Variants in GMPR observed in about 807,000 individuals in gnomAD.
The protein encoded by GMPR is GMP reductase 1.
Under a neutral mutation model 38.4 loss-of-function variants are expected in GMPR, and 31 were observed. The ratio of observed to expected loss-of-function variants is 0.81; its 90% CI spans 0.61 to 1.09. The LOEUF is 1.09. GMPR is among the 50% of genes least tolerant of loss of function. The pLI, the probability that GMPR is intolerant of heterozygous loss-of-function variation, is 0.00. For missense variants in GMPR, 468 were observed against 453.7 expected (o/e 1.03, Z -0.29); for synonymous variants, 162 against 173.3 (o/e 0.93, Z 0.51).
At chr6:16,253,137 T>C (rs1758907413) in intron 3 of GMPR, among the ~76,000 whole-genome samples, 1 of 152,200 alleles carries the variant, frequency 6.6e-6, no homozygotes, top group Admixed American at 6.5e-5. Flanking sequence ...ACAAGGGTGT[T>C]ACAGGGGAGA....
chr6:16,257,010 C>T lies in GMPR; in HGVS notation c.465+2275C>T, dbSNP rs7756068. 3.3e-3 allele frequency among the ~76,000 whole-genome samples: 500 copies of T among 152,340 alleles called. 3 individuals carry two copies. The highest frequency in any genetic ancestry group is 0.014 in the Middle Eastern group (4 of 294). On this transcript the variant is annotated intron_variant, in intron 4 of 8. Coordinates refer to ENST00000259727, the MANE Select transcript of GMPR (RefSeq NM_006877.4). Reference sequence around the variant, plus strand: ...TGATAGCAGCACAGCTGCTCTTGTCCTAACAAGGCGACTCTTAATGGGCTC... The same window carrying T: ...TGATAGCAGCACAGCTGCTCTTGTCTTAACAAGGCGACTCTTAATGGGCTC...
intron 1 of GMPR, among the ~76,000 whole-genome samples, chr6:16,244,415 G>T (rs527512395): frequency 1.3e-5 from 2 of 152,064 alleles, no homozygotes; most frequent in East Asian, 3.9e-4. Flanking sequence ...GGGTTTCACC[G>T]TGTTGCCCAG....
At position 16,274,516 on chromosome 6, in the gene GMPR, C is replaced by T. The variant is rs1000667907; in HGVS notation, c.547+20C>T. On this transcript the variant is annotated intron_variant, in intron 5 of 8. Transcript: ENST00000259727. ...GACCAGGTAAGACTTGTTAGGAGCA[C>T]AGCAGAGGACGTGTGTGGGGAAGAA... is the stretch of plus-strand genomic sequence containing the variant. 8.7e-6 allele frequency: 12 copies of T among 1,383,528 alleles called. No homozygotes were observed. Among genetic ancestry groups the T allele is most frequent in the Admixed American group, 6.7e-5 (4 of 59,692 alleles). 85.7% of individuals were successfully genotyped at this position (1,383,528 alleles called of 1,614,324 possible). A position where few individuals can be genotyped will look rare whatever the true frequency, so the allele number is the denominator to read the frequency against.
rs533338942 is a variant in GMPR at position 16,266,611 on chromosome 6, G to C, written c.466-7804G>C. The stretch of plus-strand genomic sequence containing the variant: ...AGGTCAGGAGATCATAACCATCCTG[G>C]CTAACACGGTGAAACCCCATCTCTA... On this transcript the variant is annotated intron_variant, in intron 4 of 8. Transcript: ENST00000259727. Among the ~76,000 whole-genome samples the C allele has an allele frequency of 5.3e-5, 8 of 151,650 alleles. No homozygotes were observed. In the South Asian group the frequency reaches 6.3e-4, roughly 12 times the overall value.
At chr6:16,257,038 G>C (rs1758994666) in intron 4 of GMPR, among the ~76,000 whole-genome samples, 1 of 152,250 alleles carries the variant, frequency 6.6e-6, no homozygotes, top group South Asian at 2.1e-4. Flanking sequence ...ATGGGCTCCT[G>C]TGTGGGGGTT....
At chr6:16,282,097 C>T (rs1759584142) in intron 6 of GMPR, among the ~76,000 whole-genome samples, 1 of 152,162 alleles carries the variant, frequency 6.6e-6, no homozygotes, top group African/African-American at 2.4e-5. Flanking sequence ...TCCAGCTGTC[C>T]CATTTTACCC....
chr6:16,291,522 C>T (rs965755988), intron 8 of GMPR, among the ~76,000 whole-genome samples: 1 of 152,184 alleles, frequency 6.6e-6, no homozygotes, highest in African/African-American at 2.4e-5. Context: ...CCGCACCTGG[C>T]TCCTGATGCA....
At chr6:16,238,841 A>G (rs1442751051) in intron 1 of GMPR, 61 bp downstream of exon 1, 1 of 858,050 alleles carries the variant, frequency 1.2e-6, no homozygotes, top group Non-Finnish European at 1.7e-6. Context: ...GCGCGGGGCA[A>G]GTGGGTGGAA....
chr6:16,281,115 G>A (rs1239949521), intron 6 of GMPR, among the ~76,000 whole-genome samples: 1 of 152,150 alleles, frequency 6.6e-6, no homozygotes, highest in Admixed American at 6.5e-5. Flanking sequence ...TCTCTTAAGC[G>A]TGGTGCCCAG....
intron 4 of GMPR, among the ~76,000 whole-genome samples, chr6:16,256,115 C>G (rs1267931018): frequency 6.6e-6 from 1 of 151,644 alleles, no homozygotes; most frequent in Non-Finnish European, 1.5e-5. Flanking sequence ...ACTTAGGAGG[C>G]TGAGGCAGGA....
chr6:16,260,430 T>C (rs1759061232), intron 4 of GMPR, among the ~76,000 whole-genome samples: 1 of 151,988 alleles, frequency 6.6e-6, no homozygotes, highest in African/African-American at 2.4e-5. Context: ...GGCCTGTACT[T>C]ATCCAGTGAA....
At chr6:16,245,117 G>A (rs1294387488) in intron 1 of GMPR, among the ~76,000 whole-genome samples, 1 of 152,190 alleles carries the variant, frequency 6.6e-6, no homozygotes, top group Non-Finnish European at 1.5e-5. Context: ...GGGTTGCTAT[G>A]GGTAGGTCCC....
chr6:16,239,555 C>T (rs541486552), intron 1 of GMPR, among the ~76,000 whole-genome samples: 1 of 152,334 alleles, frequency 6.6e-6, no homozygotes, highest in South Asian at 2.1e-4. Flanking sequence ...GCAGAGTGCC[C>T]CGGGGTGGTG....
At position 16,285,655 on chromosome 6, in the gene GMPR, T is replaced by C. The variant is rs140768059; in HGVS notation, c.655-138T>C. 4.4e-3 allele frequency: 3,067 copies of C among 700,050 alleles called. 75 individuals carry two copies. In the Admixed American group the frequency reaches 0.044, roughly 10 times the overall value. 43.4% of individuals were successfully genotyped at this position (700,050 alleles called of 1,614,324 possible). A position where few individuals can be genotyped will look rare whatever the true frequency, so the allele number is the denominator to read the frequency against. On this transcript the variant is annotated intron_variant, in intron 6 of 8. Coordinates refer to ENST00000259727, the MANE Select transcript of GMPR (RefSeq NM_006877.4). ...CTCGATCAGACAACAACAGCCGTGGTAGGGGAACTTGGGCCCGTGGGCTTG... is the reference window on the plus strand; with the variant it reads ...CTCGATCAGACAACAACAGCCGTGGCAGGGGAACTTGGGCCCGTGGGCTTG...
chr6:16,282,803 A>AT lies in GMPR; in HGVS notation c.655-2980dup, dbSNP rs1194078318. Among the ~76,000 whole-genome samples the AT allele has an allele frequency of 4.6e-3, 655 of 141,352 alleles. 3 individuals are homozygous for AT. Among genetic ancestry groups the AT allele is most frequent in the African/African-American group, 0.016 (595 of 38,308 alleles). 92.7% of individuals were successfully genotyped at this position (141,352 alleles called of 152,430 possible). On this transcript the variant is annotated intron_variant, in intron 6 of 8. Coordinates refer to ENST00000259727, the MANE Select transcript of GMPR (RefSeq NM_006877.4). ...AGTATTCAACATAATGTGAGCAAGT[A>AT]TTTTTTTTTTCTTTTTTTTTTTTGA...
chr6:16,286,235 A>C (rs1209109784), intron 7 of GMPR, among the ~76,000 whole-genome samples: 1 of 152,002 alleles, frequency 6.6e-6, no homozygotes, highest in Non-Finnish European at 1.5e-5. Context: ...TTCTCCCTGG[A>C]GGCTGGAGCC....
chr6:16,278,738 C>T (rs1227592348), intron 5 of GMPR, 46 bp from the exon 6 acceptor site: 2 of 1,296,772 alleles, frequency 1.5e-6, no homozygotes, highest in Admixed American at 1.7e-5. Flanking sequence ...TCACAGTCTT[C>T]TCATGTATAA....
At chr6:16,245,587 C>T (rs1465706799) in intron 1 of GMPR, among the ~76,000 whole-genome samples, 1 of 152,176 alleles carries the variant, frequency 6.6e-6, no homozygotes, top group African/African-American at 2.4e-5. Flanking sequence ...TGGGGAAGCA[C>T]CCACTTCTAA....
intron 8 of GMPR, among the ~76,000 whole-genome samples, chr6:16,292,749 T>G (rs752097001): frequency 4.6e-5 from 7 of 152,188 alleles, no homozygotes; most frequent in Non-Finnish European, 8.8e-5. Flanking sequence ...TGCATCTGTT[T>G]TGGGTTCTTT....
Sources: allele counts gnomAD v4.1 joint callset (sites outside exome capture counted in the v4.1 genomes callset), GRCh38; gene constraint gnomAD v4.1.1; transcripts MANE v1.5; gene names NCBI Gene and HGNC (gene_info 2026-07-23, HGNC 2026-07-21).